MDGA2: variants seen among roughly 807,000 people sequenced by gnomAD.
The protein encoded by MDGA2 is MAM domain containing glycosylphosphatidylinositol anchor 2.
MDGA2 carries 40 observed loss-of-function variants against 117.8 expected under a neutral mutation model. The observed-to-expected ratio is 0.34, with a 90% CI of 0.26 to 0.44. The LOEUF (loss-of-function observed/expected upper bound fraction) is 0.44, where lower values mean the gene tolerates loss of function less well. Among genes scored for constraint, MDGA2 ranks in the 20% least tolerant of loss-of-function variants. The pLI is 1.00. For missense variants in MDGA2, 1,123 were observed against 1,250.6 expected (o/e 0.90, Z 1.54); for synonymous variants, 452 against 439.0 (o/e 1.03, Z -0.37).
chr14:47,149,295 C>CAAAAACA (rs568248382), intron 3 of MDGA2, among the ~76,000 whole-genome samples: 1 of 151,756 alleles, frequency 6.6e-6, no homozygotes, highest in African/African-American at 2.4e-5. Flanking sequence ...GTCTCAAAAA[C>CAAAAACA]AAAAACAAAA....
At chr14:47,415,385 C>G (rs1012333009) in intron 1 of MDGA2, among the ~76,000 whole-genome samples, 6 of 152,028 alleles carry the variant, frequency 3.9e-5, no homozygotes, top group Admixed American at 3.9e-4. Flanking sequence ...TTCACAAGTA[C>G]CCCCCTTATA....
chr14:47,188,022 C>A (rs971514589), intron 3 of MDGA2, among the ~76,000 whole-genome samples: 48 of 151,810 alleles, frequency 3.2e-4, no homozygotes, highest in African/African-American at 1.2e-3. Context: ...TAAAAATAGT[C>A]TAAAGGAAAA....
intron 1 of MDGA2, among the ~76,000 whole-genome samples, chr14:47,641,827 G>T (rs1287535318): frequency 6.6e-6 from 1 of 152,102 alleles, no homozygotes; most frequent in Non-Finnish European, 1.5e-5. Flanking sequence ...CATTTCAGAA[G>T]TGTATTAATT....
At chr14:47,381,379 A>G (rs537093862) in intron 1 of MDGA2, among the ~76,000 whole-genome samples, 39 of 152,296 alleles carry the variant, frequency 2.6e-4, no homozygotes, top group Admixed American at 2.5e-3. Flanking sequence ...GACAGGAGAA[A>G]GAAATAAAGG....
intron 1 of MDGA2, among the ~76,000 whole-genome samples, chr14:47,572,931 T>G (rs145887485): frequency 2.0e-5 from 3 of 152,290 alleles, no homozygotes; most frequent in Admixed American, 2.0e-4. Context: ...ATGCTCTTTA[T>G]TTTTTGGTTA....
At chr14:46,971,147 CATT>C (rs1277031544) in intron 8 of MDGA2, among the ~76,000 whole-genome samples, 13 of 152,034 alleles carry the variant, frequency 8.6e-5, no homozygotes, top group African/African-American at 3.1e-4. Flanking sequence ...CTACAGAAAT[CATT>C]ATGACAATTA....
At chr14:47,614,467 T>C (rs1270387908) in intron 1 of MDGA2, among the ~76,000 whole-genome samples, 1 of 152,170 alleles carries the variant, frequency 6.6e-6, no homozygotes, top group African/African-American at 2.4e-5. Context: ...CTACCTCTCT[T>C]ACACCCAATA....
chr14:47,262,128 A>G (rs1334234307), intron 2 of MDGA2, among the ~76,000 whole-genome samples: 1 of 152,180 alleles, frequency 6.6e-6, no homozygotes, highest in Non-Finnish European at 1.5e-5. Context: ...GAGAGCTGAC[A>G]CTCAGAAATG....
intron 1 of MDGA2, among the ~76,000 whole-genome samples, chr14:47,322,370 C>A (rs561670962): frequency 6.6e-6 from 1 of 152,254 alleles, no homozygotes; most frequent in Non-Finnish European, 1.5e-5. Context: ...TGACAACAGT[C>A]TTGGGAAGTA....
intron 8 of MDGA2, among the ~76,000 whole-genome samples, chr14:46,969,817 G>C (rs112876816): frequency 0.12 from 17,456 of 150,814 alleles, 1,964 homozygotes; most frequent in African/African-American, 0.26. Context: ...ATAGCATTAG[G>C]AGATATACCT....
At chr14:47,516,472 T>C (rs927476772) in intron 1 of MDGA2, among the ~76,000 whole-genome samples, 7 of 152,158 alleles carry the variant, frequency 4.6e-5, no homozygotes, top group Non-Finnish European at 1.0e-4. Flanking sequence ...ACTAAATTAC[T>C]ACTGATTAAT....
intron 1 of MDGA2, among the ~76,000 whole-genome samples, chr14:47,365,199 A>G (rs929064496): frequency 6.6e-6 from 1 of 152,198 alleles, no homozygotes; most frequent in Non-Finnish European, 1.5e-5. Flanking sequence ...AAGACTTAAG[A>G]TGGGGTTCGT....
chr14:47,674,582 A>G lies in MDGA2; in HGVS notation c.215T>C (p.Leu72Ser). The G allele has an allele frequency of 1.9e-6, 3 of 1,551,482 alleles. No homozygotes were observed. The highest frequency in any genetic ancestry group is 2.6e-6 in the Non-Finnish European group (3 of 1,146,824). Residue 72 changes from leucine (L) to serine (S), a missense_variant, in exon 1 of 17, where the codon TTA (leucine) becomes TCA (serine). Coordinates refer to ENST00000399232, the MANE Select transcript of MDGA2 (RefSeq NM_001113498.3). ...CAGCAGCCACACGAGACCGTACAGTAAATCCATCTTCACGTGAACATGAAC... is the reference window on the plus strand; with the variant it reads ...CAGCAGCCACACGAGACCGTACAGTGAATCCATCTTCACGTGAACATGAAC... ...GYVHVHVKMD[L>S]LYGLVWLLTV...
chr14:47,210,726 C>T (rs1429677146), intron 3 of MDGA2, among the ~76,000 whole-genome samples: 2 of 152,098 alleles, frequency 1.3e-5, no homozygotes, highest in Admixed American at 6.6e-5. Context: ...TATAAAATTA[C>T]AATTGCAGGG....
chr14:47,637,330 A>G (rs1410029497), intron 1 of MDGA2, among the ~76,000 whole-genome samples: 2 of 152,202 alleles, frequency 1.3e-5, no homozygotes, highest in African/African-American at 2.4e-5. Context: ...AGATACCCAC[A>G]GTTATTTAAT....
At chr14:47,283,134 A>G (rs1351708975) in intron 2 of MDGA2, among the ~76,000 whole-genome samples, 1 of 152,190 alleles carries the variant, frequency 6.6e-6, no homozygotes, top group African/African-American at 2.4e-5. Context: ...AAATGTATAG[A>G]TTGTGGTAAC....
intron 7 of MDGA2, among the ~76,000 whole-genome samples, chr14:47,055,027 A>T: frequency 7.7e-6 from 1 of 129,884 alleles, no homozygotes; most frequent in Non-Finnish European, 1.6e-5. Context: ...TTTCCAACAG[A>T]TCTCACTCTG....
chr14:47,312,925 T>C (rs1421867396), intron 1 of MDGA2, among the ~76,000 whole-genome samples: 4 of 107,614 alleles, frequency 3.7e-5, no homozygotes, highest in African/African-American at 1.4e-4. Context: ...ATTATATATA[T>C]ACATATATAT....
chr14:46,904,599 T>C (rs1323627843), intron 10 of MDGA2, among the ~76,000 whole-genome samples: 3 of 152,176 alleles, frequency 2.0e-5, no homozygotes, highest in Non-Finnish European at 4.4e-5. Context: ...TTATTACTCA[T>C]GATTGTTCAA....
Sources: allele counts gnomAD v4.1 joint callset (sites outside exome capture counted in the v4.1 genomes callset), GRCh38; gene constraint gnomAD v4.1.1; transcripts MANE v1.5; gene names NCBI Gene and HGNC (gene_info 2026-07-23, HGNC 2026-07-21).